Variants in FAM131B observed in about 807,000 individuals in gnomAD.
The protein encoded by FAM131B is family with sequence similarity 131 member B, also known as protein FAM131B.
A neutral mutation model predicts 42.0 loss-of-function variants in FAM131B; 19 were observed. That is an observed-to-expected ratio of 0.45 (90% CI 0.32 to 0.66). The LOEUF is 0.66. FAM131B is among the 30% of genes least tolerant of loss of function. FAM131B has a pLI of 0.05. For missense variants in FAM131B, 370 were observed against 468.4 expected, an observed-to-expected ratio of 0.79 and a Z score of 1.94; for synonymous variants, 183 against 177.6, an observed-to-expected ratio of 1.03 and a Z score of -0.24.
the FAM131B span, among the ~76,000 whole-genome samples, chr7:143,368,849 C>G: frequency 6.6e-6 from 1 of 152,212 alleles, no homozygotes; most frequent in African/African-American, 2.4e-5. Context: ...TCTGTTTCAC[C>G]TACAAAGTCT....
chr7:143,381,822 G>T, the FAM131B span: 1 of 1,479,968 alleles, frequency 6.8e-7, no homozygotes. Context: ...CAGGAGCCGG[G>T]GTGGGGGGCA....
At chr7:143,376,702 T>G in the FAM131B span, among the ~76,000 whole-genome samples, 1 of 152,166 alleles carries the variant, frequency 6.6e-6, no homozygotes, top group African/African-American at 2.4e-5. Flanking sequence ...CAGGGAGAGA[T>G]TCTTTTGTAC....
chr7:143,361,178 G>GA (rs1293233566), intron 1 of FAM131B: 1 of 152,560 alleles, frequency 6.6e-6, no homozygotes, highest in Non-Finnish European at 1.5e-5. Context: ...AGGGCTGGGG[G>GA]AAAGGAAGGG....
In FAM131B at chr7:143,359,125, C is replaced by A; in HGVS notation, c.269-101G>T. 7.8e-7 allele frequency: 1 copy of A among 1,288,748 alleles called. No homozygotes were observed. Among genetic ancestry groups the A allele is most frequent in the Non-Finnish European group, 1.1e-6 (1 of 922,850 alleles). 79.8% of individuals were successfully genotyped at this position (1,288,748 alleles called of 1,614,324 possible). On this transcript the variant is annotated intron_variant, in intron 4 of 6. Coordinates refer to ENST00000443739, the MANE Select transcript of FAM131B (RefSeq NM_001031690.3). This position sits in a 1 kb window ranked among gnomAD's most constrained non-coding sequence, Gnocchi z 5.4. ...ACCCCAGCCCCATGAGGCTCCATCC[C>A]ACTGGGCCAGGCTCCCCTAAGGACT...
chr7:143,365,649 G>A (rs913637591), upstream of FAM131B, among the ~76,000 whole-genome samples: 5 of 152,178 alleles, frequency 3.3e-5, no homozygotes, highest in African/African-American at 9.6e-5. Context: ...TTACCCAGCC[G>A]GAGAGCAATG....
At chr7:143,363,751 A>G (rs777355810), upstream of FAM131B, 7 of 152,226 alleles carry the variant, frequency 4.6e-5, no homozygotes, top group African/African-American at 1.7e-4. Flanking sequence ...GCATTCACAG[A>G]AGCAAGTGCC....
chr7:143,372,213 G>A, the FAM131B span, among the ~76,000 whole-genome samples: 16 of 152,232 alleles, frequency 1.1e-4, no homozygotes, highest in African/African-American at 3.6e-4. Flanking sequence ...ATGTTTTTCT[G>A]TAGTGCCACC....
chr7:143,371,613 CAAAAAAAAA>C, the FAM131B span, among the ~76,000 whole-genome samples: 2 of 75,024 alleles, frequency 2.7e-5, no homozygotes, highest in South Asian at 4.8e-4. Context: ...GACCCTGTCT[CAAAAAAAAA>C]AAAAAAAAAA....
chr7:143,367,589 C>T (rs1437850027), upstream of FAM131B, among the ~76,000 whole-genome samples: 1 of 152,102 alleles, frequency 6.6e-6, no homozygotes, highest in Non-Finnish European at 1.5e-5. Context: ...CCTGTAATCC[C>T]AGCTACTCAG....
chr7:143,359,450 G>A lies in FAM131B; in HGVS notation c.175-31C>T, dbSNP rs533100363. On this transcript the variant is annotated intron_variant, in intron 3 of 6. Coordinates refer to ENST00000443739, the MANE Select transcript of FAM131B (RefSeq NM_001031690.3). This position sits in a 1 kb window ranked among gnomAD's most constrained non-coding sequence, Gnocchi z 5.4. ...ATGGGAATGTGGGAGGAAGGGCAGAGGAATAAGAAGGTACGGGCGTGCTTT... is the reference window on the plus strand; with the variant it reads ...ATGGGAATGTGGGAGGAAGGGCAGAAGAATAAGAAGGTACGGGCGTGCTTT... 1.3e-6 allele frequency: 2 copies of A among 1,530,934 alleles called. No individual in the cohort carries two copies. The highest frequency in any genetic ancestry group is 1.8e-6 in the Non-Finnish European group (2 of 1,106,052). 94.8% of individuals were successfully genotyped at this position (1,530,934 alleles called of 1,614,324 possible).
chr7:143,365,050 GTGTTCC>G (rs1384413504), upstream of FAM131B, among the ~76,000 whole-genome samples: 5 of 152,190 alleles, frequency 3.3e-5, no homozygotes, highest in Middle Eastern at 3.2e-3. Context: ...ACTTAATCAA[GTGTTCC>G]TTTTATTTTA....
chr7:143,377,795 C>T, the FAM131B span, among the ~76,000 whole-genome samples: 4 of 152,128 alleles, frequency 2.6e-5, no homozygotes, highest in Non-Finnish European at 4.4e-5. Flanking sequence ...CTCACTGCAA[C>T]CTCCGCCTCC....
the FAM131B span, chr7:143,382,161 G>T: frequency 8.9e-7 from 1 of 1,128,610 alleles, no homozygotes; most frequent in Non-Finnish European, 1.3e-6. Context: ...GAGAGTTCTT[G>T]GGTTAGGGGT....
Position 143,360,062 on chromosome 7 carries a change from C to T in FAM131B, c.116G>A (p.Ser39Asn). 1.2e-6 allele frequency: 2 copies of T among 1,613,774 alleles called. No individual in the cohort carries two copies. The highest frequency in any genetic ancestry group is 2.2e-5 in the South Asian group (2 of 91,026). ...MDSTSSLHGS[S>N]LHRPSTEQTR... ...CACCTCAGTCGATGGCCGATGGAGG[C>T]TGCTCCCGTGCAGTGAGCTGGTGCT... Residue 39 changes from serine to asparagine, a missense_variant, in exon 2 of 7, where the codon AGC (serine) becomes AAC (asparagine). Coordinates refer to ENST00000443739, the MANE Select transcript of FAM131B (RefSeq NM_001031690.3).
chr7:143,362,763 C>G, upstream of FAM131B: 1 of 254,978 alleles, frequency 3.9e-6, no homozygotes, highest in South Asian at 1.4e-4. This position sits in a 1 kb window ranked among gnomAD's most constrained non-coding sequence, Gnocchi z 7.7. Context: ...ACGGCAGCTC[C>G]GTCGCCGCCG....
chr7:143,381,375 C>T, the FAM131B span: 10 of 1,171,234 alleles, frequency 8.5e-6, no homozygotes, highest in East Asian at 4.2e-4. Context: ...GCCGAGGCGG[C>T]CACCCGAGAC....
chr7:143,359,242 C>A lies in FAM131B; in HGVS notation c.268+84G>T. ...AGGGGGTGGGGATGAGGGTCTTCAT[C>A]AACCTCGAAGGAGCAGGGAGACTGA... On this transcript the variant is annotated intron_variant, in intron 4 of 6. Coordinates refer to ENST00000443739, the MANE Select transcript of FAM131B (RefSeq NM_001031690.3). This position sits in a 1 kb window ranked among gnomAD's most constrained non-coding sequence, Gnocchi z 5.4. 1 of 1,196,112 alleles carries A rather than the reference C, an allele frequency of 8.4e-7. No individual in the cohort carries two copies. Among genetic ancestry groups the A allele is most frequent in the Non-Finnish European group, 1.2e-6 (1 of 817,430 alleles). 74.1% of individuals were successfully genotyped at this position (1,196,112 alleles called of 1,614,324 possible).
upstream of FAM131B, among the ~76,000 whole-genome samples, chr7:143,367,384 G>A (rs1284564066): frequency 6.6e-6 from 1 of 152,142 alleles, no homozygotes; most frequent in African/African-American, 2.4e-5. Context: ...GGGGATCTAA[G>A]GTGAGCTCAC....
Position 143,362,521 on chromosome 7 carries a change from G to A in FAM131B, c.28+55C>T, listed in dbSNP as rs953127644. 3.2e-5 allele frequency: 29 copies of A among 901,040 alleles called. No individual in the cohort carries two copies. The highest frequency in any genetic ancestry group is 4.1e-5 in the Non-Finnish European group (28 of 688,316). 55.8% of individuals were successfully genotyped at this position (901,040 alleles called of 1,614,324 possible). A position where few individuals can be genotyped will look rare whatever the true frequency, so the allele number is the denominator to read the frequency against. ...CGCGAGGAGAGGGATGGGGGAGGGG[G>A]TCGGAGGGCGGCCCGGGGGGCCCAG... is the stretch of plus-strand genomic sequence containing the variant. On this transcript the variant is annotated intron_variant, in intron 1 of 6. Coordinates refer to ENST00000443739, the MANE Select transcript of FAM131B (RefSeq NM_001031690.3). This position sits in a 1 kb window ranked among gnomAD's most constrained non-coding sequence, Gnocchi z 7.7.
Sources: gnomAD v4.1 joint callset for allele counts (sites outside exome capture counted in the v4.1 genomes callset) on GRCh38, gnomAD v4.1.1 for gene constraint, Gnocchi (gnomAD v3.1) non-coding constraint, MANE v1.5 for transcripts, NCBI Gene and HGNC (gene_info 2026-07-23, HGNC 2026-07-21) for gene names.